DAB1: variants seen among roughly 807,000 people sequenced by gnomAD.
DAB1 encodes DAB adaptor protein 1.
DAB1 carries 15 observed loss-of-function variants against 64.6 expected under a neutral mutation model. The observed-to-expected ratio is 0.23, with a 90% CI of 0.16 to 0.36. DAB1 has a LOEUF of 0.36. DAB1 is among the 10% of genes least tolerant of loss of function. DAB1 has a pLI of 1.00. For synonymous variants in DAB1, 235 were observed against 251.9 expected (o/e 0.93, Z 0.64); for missense variants, 596 against 706.7 (o/e 0.84, Z 1.78).
chr1:57,570,524 T>G (rs1167803277), intron 7 of DAB1, among the ~76,000 whole-genome samples: 1 of 152,180 alleles, frequency 6.6e-6, no homozygotes, highest in Non-Finnish European at 1.5e-5. Flanking sequence ...TTCTGTTCCA[T>G]TGGTCTGTAT....
At chr1:57,640,435 C>CT (rs537041916) in intron 7 of DAB1, among the ~76,000 whole-genome samples, 39 of 152,132 alleles carry the variant, frequency 2.6e-4, no homozygotes, top group Middle Eastern at 3.4e-3. Flanking sequence ...TTCTAATTTC[C>CT]TTTTTTTACA....
chr1:58,252,020 C>T (rs1660813508), intron 4 of DAB1, among the ~76,000 whole-genome samples: 3 of 152,182 alleles, frequency 2.0e-5, no homozygotes, highest in South Asian at 2.1e-4. Flanking sequence ...GTTTCTCCTA[C>T]CACTCTCTGA....
intron 2 of DAB1, among the ~76,000 whole-genome samples, chr1:57,152,775 GAT>G (rs1433802713): frequency 5.9e-5 from 9 of 152,176 alleles, no homozygotes; most frequent in African/African-American, 2.2e-4. Flanking sequence ...ATGTACATTG[GAT>G]ATATCAGTTT....
chr1:58,175,884 G>A (rs551390252), intron 4 of DAB1, among the ~76,000 whole-genome samples: 7 of 152,244 alleles, frequency 4.6e-5, no homozygotes, highest in Admixed American at 6.5e-5. Context: ...CCACAGATGC[G>A]TCTATATGTG....
chr1:58,214,225 G>C lies in DAB1; in HGVS notation n.310-63637C>G, dbSNP rs143973220. Among the ~76,000 whole-genome samples, 44 of 152,200 alleles carry C rather than the reference G, an allele frequency of 2.9e-4. 1 individual carries two copies. The highest frequency in any genetic ancestry group is 1.0e-3 in the African/African-American group (42 of 41,532). ...TCCAAGTCTTTATTTGGACTATTCT[G>C]TCTCCTCTTTCAGTTGGGTAACTTC... On this transcript the variant is annotated intron_variant and non_coding_transcript_variant, in intron 4 of 20. Coordinates refer to the DAB1 transcript ENST00000485760.
chr1:57,538,047 C>T (rs1644751581), intron 7 of DAB1, among the ~76,000 whole-genome samples: 2 of 152,086 alleles, frequency 1.3e-5, no homozygotes, highest in South Asian at 4.2e-4. Flanking sequence ...AGACATCCAC[C>T]CCAGTGACCT....
intron 1 of DAB1, among the ~76,000 whole-genome samples, chr1:57,342,889 A>G (rs1677723993): frequency 6.6e-6 from 1 of 152,158 alleles, no homozygotes; most frequent in South Asian, 2.1e-4. Flanking sequence ...TGCGGTGAGT[A>G]TTACAGCTCA....
intron 4 of DAB1, among the ~76,000 whole-genome samples, chr1:58,157,251 GC>G (rs1389226661): frequency 2.6e-5 from 4 of 152,144 alleles, no homozygotes; most frequent in Admixed American, 6.6e-5. Context: ...TTGTATTTCA[GC>G]CCCCCTCTGC....
At chr1:57,501,225 C>T (rs942941283) in intron 7 of DAB1, among the ~76,000 whole-genome samples, 17 of 152,180 alleles carry the variant, frequency 1.1e-4, no homozygotes, top group African/African-American at 4.1e-4. Context: ...GAAACGCTGT[C>T]CTGAGACCTC....
chr1:58,343,582 G>A (rs918141842), intron 3 of DAB1, among the ~76,000 whole-genome samples: 1 of 152,152 alleles, frequency 6.6e-6, no homozygotes, highest in Non-Finnish European at 1.5e-5. Flanking sequence ...AAGTTGGGAG[G>A]GAGAAAGACA....
intron 4 of DAB1, among the ~76,000 whole-genome samples, chr1:57,088,964 A>C (rs1653365073): frequency 6.6e-6 from 1 of 152,174 alleles, no homozygotes. Flanking sequence ...GGTGAAGCAC[A>C]ATGGTTAAGG....
chr1:57,166,668 C>T (rs983406938), intron 2 of DAB1, among the ~76,000 whole-genome samples: 1 of 152,162 alleles, frequency 6.6e-6, no homozygotes, highest in African/African-American at 2.4e-5. Context: ...CACAATTTAT[C>T]TGAGTGTGAG....
intron 11 of DAB1, among the ~76,000 whole-genome samples, chr1:57,021,915 G>A (rs929110154): frequency 1.3e-5 from 2 of 152,084 alleles, no homozygotes; most frequent in East Asian, 1.9e-4. Flanking sequence ...AGAGCCCCTC[G>A]TGACTACAGG....
intron 2 of DAB1, among the ~76,000 whole-genome samples, chr1:57,154,057 A>G (rs1408570756): frequency 6.6e-6 from 1 of 152,182 alleles, no homozygotes; most frequent in Non-Finnish European, 1.5e-5. Flanking sequence ...GTTACAAACA[A>G]TCCAATTATG....
intron 1 of DAB1, among the ~76,000 whole-genome samples, chr1:57,393,747 G>A (rs955111004): frequency 3.9e-5 from 6 of 152,114 alleles, no homozygotes; most frequent in African/African-American, 1.4e-4. Flanking sequence ...GTTTTTCTAG[G>A]TAAAGTTTTA....
At chr1:58,328,471 G>A (rs1271446318) in intron 4 of DAB1, among the ~76,000 whole-genome samples, 2 of 152,182 alleles carry the variant, frequency 1.3e-5, no homozygotes, top group Non-Finnish European at 1.5e-5. Flanking sequence ...CACTGCAGGC[G>A]ATGTCAGCTT....
At position 57,695,393 on chromosome 1, in the gene DAB1, A is replaced by AAGAAAGAAAG. The variant is rs1557427919; in HGVS notation, n.552-45729_552-45728insCTTTCTTTCT. Among the ~76,000 whole-genome samples, 24 of 79,124 alleles carry AAGAAAGAAAG rather than the reference A, an allele frequency of 3.0e-4. 1 individual carries two copies. The highest frequency in any genetic ancestry group is 8.5e-3 in the Middle Eastern group (1 of 118). The allele number at this position is 79,124 out of a possible 152,430, so 51.9% of individuals were successfully genotyped here. A position where few individuals can be genotyped will look rare whatever the true frequency, so the allele number is the denominator to read the frequency against. ...GAAAGAAAGAAAGAAAGAAAGAAAG[A>AAGAAAGAAAG]AAGAAAGAAAGAAAGAAAGAAAGAA... On this transcript the variant is annotated intron_variant and non_coding_transcript_variant, in intron 6 of 20. Coordinates refer to the DAB1 transcript ENST00000485760.
At chr1:57,889,172 C>T (rs1569927139) in intron 5 of DAB1, among the ~76,000 whole-genome samples, 1 of 152,182 alleles carries the variant, frequency 6.6e-6, no homozygotes, top group Non-Finnish European at 1.5e-5. Context: ...TAGTGCCTGT[C>T]GTAAAGTAGG....
chr1:57,807,167 C>T (rs1651401737), intron 6 of DAB1, among the ~76,000 whole-genome samples: 1 of 152,210 alleles, frequency 6.6e-6, no homozygotes, highest in Admixed American at 6.5e-5. Context: ...CTGTAGTGGA[C>T]TGTCTGAAAA....
Sources: allele counts gnomAD v4.1 joint callset (sites outside exome capture counted in the v4.1 genomes callset), GRCh38; gene constraint gnomAD v4.1.1; transcripts MANE v1.5; gene names NCBI Gene and HGNC (gene_info 2026-07-23, HGNC 2026-07-21).